Variants in RIMBP2 observed in about 807,000 individuals in gnomAD.
The protein encoded by RIMBP2 is RIMS-binding protein 2.
RIMBP2 carries 48 observed loss-of-function variants against 118.6 expected under a neutral mutation model. That is an observed-to-expected ratio of 0.40 (90% CI 0.32 to 0.51). The LOEUF (loss-of-function observed/expected upper bound fraction) is 0.51. Ranked by LOEUF, RIMBP2 falls within the 20% of genes least tolerant of loss-of-function variation. RIMBP2 has a pLI of 0.41. For synonymous variants in RIMBP2, 762 were observed against 742.9 expected, an observed-to-expected ratio of 1.03 and a Z score of -0.42; for missense variants, 1,551 against 1,768.3, an observed-to-expected ratio of 0.88 and a Z score of 2.20.
At chr12:130,421,724 T>TGTGTG (rs1566004674) in intron 17 of RIMBP2, among the ~76,000 whole-genome samples, 1 of 151,364 alleles carries the variant, frequency 6.6e-6, no homozygotes, top group African/African-American at 2.4e-5. Flanking sequence ...TGTGTGTGTG[T>TGTGTG]TTTCATAGAA....
At chr12:130,675,912 G>A (rs1394508011) in intron 1 of RIMBP2, among the ~76,000 whole-genome samples, 2 of 152,224 alleles carry the variant, frequency 1.3e-5, no homozygotes, top group African/African-American at 2.4e-5. Context: ...CCCCTAAGGT[G>A]GTGGCATCAG....
At chr12:130,459,096 TTGAAA>T (rs2079737624) in intron 6 of RIMBP2, among the ~76,000 whole-genome samples, 1 of 150,028 alleles carries the variant, frequency 6.7e-6, no homozygotes. Context: ...TACAAAAATC[TTGAAA>T]TGATAAAATT....
At position 130,710,505 on chromosome 12, in the gene RIMBP2, A is replaced by G. The variant is rs780019832; in HGVS notation, c.-352+5717T>C. Among the ~76,000 whole-genome samples, 4 of 152,170 alleles carry G rather than the reference A, an allele frequency of 2.6e-5. No homozygotes were observed. Among genetic ancestry groups the G allele is most frequent in the Non-Finnish European group, 5.9e-5 (4 of 68,012 alleles). ...ACACATGTGTGCTCCCCATGAGGGC[A>G]GCACCCTCCTCTAGCTTGTTCACTG... On this transcript the variant is annotated intron_variant, in intron 1 of 22. Transcript: ENST00000690449. This position sits in a 1 kb window ranked among gnomAD's most constrained non-coding sequence, Gnocchi z 4.3.
chr12:130,541,279 C>A (rs543686713), intron 2 of RIMBP2, among the ~76,000 whole-genome samples: 1 of 152,338 alleles, frequency 6.6e-6, no homozygotes, highest in East Asian at 1.9e-4. Context: ...AGGTTAGCTA[C>A]ACTCTACATG....
At chr12:130,641,644 G>A (rs375182736) in intron 1 of RIMBP2, among the ~76,000 whole-genome samples, 3 of 152,198 alleles carry the variant, frequency 2.0e-5, no homozygotes, top group Non-Finnish European at 2.9e-5. Flanking sequence ...ATTAACTGCC[G>A]TGCAAAACAG....
rs77142316 is a variant in RIMBP2, at chr12:130,593,392, C to T, written c.-217+34930G>A. The stretch of plus-strand genomic sequence containing the variant: ...GGCACAGTGCCCCGCACAGGGAAGA[C>T]GCTTGAGAAACACTCCTGAACCTAC... On this transcript the variant is annotated intron_variant, in intron 2 of 22. Transcript: ENST00000690449. Among the ~76,000 whole-genome samples, 1,362 of 152,324 alleles carry T rather than the reference C, an allele frequency of 8.9e-3. 22 individuals are homozygous for T. Among genetic ancestry groups the T allele is most frequent in the African/African-American group, 0.032 (1,312 of 41,554 alleles).
At chr12:130,582,473 T>A (rs2058545142) in intron 2 of RIMBP2, among the ~76,000 whole-genome samples, 1 of 152,222 alleles carries the variant, frequency 6.6e-6, no homozygotes, top group African/African-American at 2.4e-5. Flanking sequence ...CCCGCCCACC[T>A]GCAGTCAGGA....
At chr12:130,502,330 G>A (rs576228071) in intron 4 of RIMBP2, among the ~76,000 whole-genome samples, 3 of 152,296 alleles carry the variant, frequency 2.0e-5, no homozygotes, top group African/African-American at 4.8e-5. Flanking sequence ...TTATTGGGAC[G>A]GGGGTAATAC....
chr12:130,600,031 G>A (rs76908499), intron 2 of RIMBP2, among the ~76,000 whole-genome samples: 10,885 of 152,154 alleles, frequency 0.072, 406 homozygotes, highest in Non-Finnish European at 0.079. Context: ...CGACCTGGGA[G>A]CCCCCACTCT....
chr12:130,520,491 G>A (rs12320371), intron 2 of RIMBP2, among the ~76,000 whole-genome samples: 14,302 of 150,936 alleles, frequency 0.095, 779 homozygotes, highest in Middle Eastern at 0.15. Flanking sequence ...GTGAAACCCC[G>A]CCTCTACTAA....
At chr12:130,501,279 T>C (rs2049748818) in intron 4 of RIMBP2, among the ~76,000 whole-genome samples, 1 of 148,856 alleles carries the variant, frequency 6.7e-6, no homozygotes, top group Non-Finnish European at 1.5e-5. Context: ...GGTCCCTGCT[T>C]CCACTCCTGT....
intron 9 of RIMBP2, among the ~76,000 whole-genome samples, chr12:130,448,110 G>A (rs1314912888): frequency 6.7e-6 from 1 of 148,220 alleles, no homozygotes; most frequent in African/African-American, 2.5e-5. Context: ...TTTGAGAGAG[G>A]GTGGGTGGTT....
chr12:130,490,760 G>C (rs1176253181), intron 4 of RIMBP2, among the ~76,000 whole-genome samples: 1 of 152,188 alleles, frequency 6.6e-6, no homozygotes, highest in Non-Finnish European at 1.5e-5. Context: ...TGTGAGTTCA[G>C]CAACAGAATC....
At chr12:130,634,434 C>A (rs2062213856) in intron 1 of RIMBP2, among the ~76,000 whole-genome samples, 1 of 152,138 alleles carries the variant, frequency 6.6e-6, no homozygotes, top group Non-Finnish European at 1.5e-5. Flanking sequence ...GCCCTTGGAG[C>A]AAATGAACAA....
At position 130,456,502 on chromosome 12, in the gene RIMBP2, C is replaced by T. The variant is rs368999086; in HGVS notation, c.352G>A (p.Gly118Ser). 33 of 1,584,776 alleles carry T rather than the reference C, an allele frequency of 2.1e-5. No homozygotes were observed. The highest frequency in any genetic ancestry group is 2.7e-5 in the Non-Finnish European group (31 of 1,160,194). The change falls in exon 7 of 23, where the codon GGC becomes AGC. Residue 118 changes from glycine (G) to serine (S), a missense_variant. Physicochemically the swap from Gly to Ser is moderately conservative, Grantham distance 56 (BLOSUM62 0). Coordinates refer to ENST00000690449, the MANE Select transcript of RIMBP2 (RefSeq NM_001393629.1). ...GGAAGGTCCAGGCGCTTACCTTTGC[C>T]GAGGGAGGTGGCTAGGCCATTCATG... The part of the protein sequence containing the change: ...QFMNGLATSL[G>S]KGQESAIGGS...
chr12:130,611,792 C>T (rs2060572314), intron 2 of RIMBP2, among the ~76,000 whole-genome samples: 2 of 152,146 alleles, frequency 1.3e-5, no homozygotes, highest in Non-Finnish European at 2.9e-5. Flanking sequence ...GACACGGAAC[C>T]CATGTCGACC....
Position 130,434,562 on chromosome 12 carries a change from TTAAATA to T in RIMBP2, c.2253+166_2253+171del, listed in dbSNP as rs1381225787. On this transcript the variant is annotated intron_variant, in intron 14 of 22. Coordinates refer to ENST00000690449, the MANE Select transcript of RIMBP2 (RefSeq NM_001393629.1). This position sits in a 1 kb window ranked among gnomAD's most constrained non-coding sequence, Gnocchi z 5.7. ...CCCCAATGAGGGTATGTGACAGGCA[TTAAATA>T]TAAACTTCAGAAACCTAGCACGACT... Among the ~76,000 whole-genome samples the T allele has an allele frequency of 4.6e-5, 7 of 152,256 alleles. No individual in the cohort carries two copies. The South Asian group carries it at 1.5e-3, about 32-fold the overall frequency.
Position 130,700,696 on chromosome 12 carries a change from G to A in RIMBP2, c.-352+15526C>T, listed in dbSNP as rs138928624. Among the ~76,000 whole-genome samples the A allele has an allele frequency of 4.1e-3, 620 of 152,320 alleles. 2 individuals carry two copies. The highest frequency in any genetic ancestry group is 7.1e-3 in the Non-Finnish European group (483 of 68,020). On this transcript the variant is annotated intron_variant, in intron 1 of 22. Coordinates refer to ENST00000690449, the MANE Select transcript of RIMBP2 (RefSeq NM_001393629.1). ...GCCAGCGCCTGGATCTCAGACTTTC[G>A]CGTTCAGAACTGGGAGGGAAGAGAT...
intron 1 of RIMBP2, among the ~76,000 whole-genome samples, chr12:130,665,106 C>T (rs926147910): frequency 2.0e-5 from 3 of 151,672 alleles, no homozygotes; most frequent in African/African-American, 4.9e-5. Context: ...CTCCTGGCTA[C>T]GTGAAGAGGG....
Sources: gnomAD v4.1 joint callset for allele counts (sites outside exome capture counted in the v4.1 genomes callset) on GRCh38, gnomAD v4.1.1 for gene constraint, Gnocchi (gnomAD v3.1) non-coding constraint, MANE v1.5 for transcripts, NCBI Gene and HGNC (gene_info 2026-07-23, HGNC 2026-07-21) for gene names.